The following ODF2 variants were observed in gnomAD, a reference collection of about 807,000 sequenced individuals.
The protein encoded by ODF2 is outer dense fiber protein 2.
A neutral mutation model predicts 110.2 loss-of-function variants in ODF2; 47 were observed. The observed-to-expected ratio is 0.43, with a 90% CI of 0.34 to 0.54. ODF2 has a LOEUF of 0.54. ODF2 is among the 20% of genes least tolerant of loss of function. The pLI is 0.03. For missense variants in ODF2, 812 were observed against 1,054.5 expected (o/e 0.77, Z 3.19); for synonymous variants, 352 against 397.7 (o/e 0.89, Z 1.37).
chr9:128,461,771 G>GA (rs921566618), intron 4 of ODF2, among the ~76,000 whole-genome samples: 5 of 149,992 alleles, frequency 3.3e-5, no homozygotes, highest in Admixed American at 1.3e-4. Flanking sequence ...GCAGTGAAAA[G>GA]AAAAAAAAAT....
intron 8 of ODF2, 134 bp downstream of exon 8, chr9:128,473,875 T>A: frequency 1.3e-6 from 1 of 772,778 alleles, no homozygotes; most frequent in Non-Finnish European, 2.0e-6. Flanking sequence ...ATGAAATTGT[T>A]CACATGAAGT....
Position 128,496,028 on chromosome 9 carries a change from C to T in ODF2, c.1912-13C>T. ...ATTCCTTTGTAAACCAGTCTGTGTT[C>T]CTGTCATTTTAGATCGAACACCAGG... is the stretch of plus-strand genomic sequence containing the variant. On this transcript the variant is annotated splice_polypyrimidine_tract_variant and intron_variant, in intron 17 of 20. Transcript: ENST00000604420. 1.2e-6 allele frequency: 2 copies of T among 1,613,544 alleles called. No homozygotes were observed. Among genetic ancestry groups the T allele is most frequent in the Non-Finnish European group, 1.7e-6 (2 of 1,179,854 alleles).
upstream of ODF2, chr9:128,455,982 T>C (rs1834671244): frequency 7.1e-6 from 10 of 1,410,810 alleles, no homozygotes; most frequent in South Asian, 1.4e-4. Flanking sequence ...ACGGGACGCG[T>C]GGCCCGGAAG....
At chr9:128,492,095 A>G (rs886784514) in intron 14 of ODF2, among the ~76,000 whole-genome samples, 2 of 151,972 alleles carry the variant, frequency 1.3e-5, no homozygotes, top group Non-Finnish European at 2.9e-5. Context: ...TTGATCTCCT[A>G]ACCTTGTGAT....
intron 18 of ODF2, among the ~76,000 whole-genome samples, chr9:128,497,044 T>A (rs78440166): frequency 0.05 from 7,591 of 152,050 alleles, 308 homozygotes; most frequent in East Asian, 0.16. Flanking sequence ...AATCTTTTCA[T>A]GGTGGTGGTG....
chr9:128,484,371 G>A (rs937198401), intron 11 of ODF2, among the ~76,000 whole-genome samples: 9 of 152,244 alleles, frequency 5.9e-5, no homozygotes, highest in Non-Finnish European at 1.3e-4. Context: ...TAGCCCAGGG[G>A]TCCTCTGAGG....
rs535455241 is a variant in ODF2, at chr9:128,494,466, A to ACTGTGGGTCTTTCCTTC, written c.1753-22_1753-6dup. ...TCCACTAGGAGCCAGGTCTTTCCTA[A>ACTGTGGGTCTTTCCTTC]CTGTGGGTCTTTCCTTCCTGTGGGT... On this transcript the variant is annotated intron_variant, in intron 16 of 20. Coordinates refer to ENST00000604420, the Ensembl canonical transcript of ODF2. This position sits in a 1 kb window ranked among gnomAD's most constrained non-coding sequence, Gnocchi z 4.6. The ACTGTGGGTCTTTCCTTC allele has an allele frequency of 8.8e-6, 14 of 1,592,084 alleles. No homozygotes were observed. The South Asian group carries it at 1.0e-4, about 11-fold the overall frequency.
At chr9:128,491,748 G>A (rs950091120) in intron 14 of ODF2, among the ~76,000 whole-genome samples, 2 of 151,956 alleles carry the variant, frequency 1.3e-5, no homozygotes, top group Non-Finnish European at 1.5e-5. Flanking sequence ...ATAGCAGTAA[G>A]TATAGTATAG....
exon 4 of ODF2, chr9:128,461,015 C>T: frequency 6.2e-7 from 1 of 1,614,156 alleles, no homozygotes; most frequent in Non-Finnish European, 8.5e-7. Flanking sequence ...ACCAAGGTAC[C>T]TTGGATGCCC....
intron 2 of ODF2, chr9:128,457,553 AC>A: frequency 7.5e-7 from 1 of 1,338,442 alleles, no homozygotes; most frequent in Non-Finnish European, 1.0e-6. Flanking sequence ...GAAAGTCTGG[AC>A]CAAAACGTTT....
At chr9:128,493,024 CT>C (rs781644769) in intron 16 of ODF2, among the ~76,000 whole-genome samples, 4,269 of 141,338 alleles carry the variant, frequency 0.03, 94 homozygotes, top group Non-Finnish European at 0.046. Context: ...GCTGCTTTGT[CT>C]TTTTTTTTTT....
chr9:128,496,538 C>T (rs1042316941), intron 18 of ODF2, among the ~76,000 whole-genome samples: 1 of 152,226 alleles, frequency 6.6e-6, no homozygotes, highest in African/African-American at 2.4e-5. Flanking sequence ...TCTGACCGTT[C>T]TCTGTTATTT....
At chr9:128,484,393 T>C (rs1842984626) in intron 11 of ODF2, among the ~76,000 whole-genome samples, 1 of 152,122 alleles carries the variant, frequency 6.6e-6, no homozygotes, top group Non-Finnish European at 1.5e-5. Context: ...CATACTCTGC[T>C]GAGTGACCAA....
intron 11 of ODF2, 23 bp from the exon 12 acceptor site, chr9:128,484,678 T>C (rs1455817836): frequency 1.9e-6 from 3 of 1,551,920 alleles, no homozygotes; most frequent in Non-Finnish European, 2.6e-6. Context: ...CTCCCTCTCT[T>C]TCTCACCCCT....
intron 9 of ODF2, among the ~76,000 whole-genome samples, chr9:128,482,043 G>C (rs1298269024): frequency 6.6e-6 from 1 of 152,176 alleles, no homozygotes; most frequent in Non-Finnish European, 1.5e-5. Context: ...TCCAAAGTCT[G>C]TTCATGGAAC....
chr9:128,494,913 G>GC lies in ODF2; in HGVS notation c.1911+250dup. On this transcript the variant is annotated intron_variant, in intron 17 of 20. Coordinates refer to ENST00000604420, the Ensembl canonical transcript of ODF2. This position sits in a 1 kb window ranked among gnomAD's most constrained non-coding sequence, Gnocchi z 4.6. ...GGAGTCACTGGGCCCTCCTGCTGTT[G>GC]CCCCCACCCAAGACTGCTGCCTCTG... is the stretch of plus-strand genomic sequence containing the variant. The GC allele has an allele frequency of 1.5e-6, 2 of 1,313,660 alleles. No homozygotes were observed. Among genetic ancestry groups the GC allele is most frequent in the South Asian group, 3.1e-5 (2 of 65,226 alleles). 81.4% of individuals were successfully genotyped at this position (1,313,660 alleles called of 1,614,324 possible). A position where few individuals can be genotyped will look rare whatever the true frequency, so the allele number is the denominator to read the frequency against.
At chr9:128,462,146 C>A (rs538705817) in intron 4 of ODF2, among the ~76,000 whole-genome samples, 1 of 143,996 alleles carries the variant, frequency 6.9e-6, no homozygotes, top group East Asian at 2.0e-4. Flanking sequence ...ATCAATGAAT[C>A]TTTTTTTTTT....
At chr9:128,470,577 C>A (rs898044521) in intron 5 of ODF2, among the ~76,000 whole-genome samples, 7 of 151,464 alleles carry the variant, frequency 4.6e-5, no homozygotes, top group Non-Finnish European at 1.0e-4. Flanking sequence ...GAGCTGAGAT[C>A]GTACCGCTGC....
intron 3 of ODF2, 60 bp downstream of exon 2, chr9:128,459,717 C>CCTCCTAGAAACGGTGTGCAA: frequency 7.4e-7 from 1 of 1,347,378 alleles, no homozygotes; most frequent in Non-Finnish European, 1.1e-6. Flanking sequence ...TGCTTTTGCA[C>CCTCCTAGAAACGGTGTGCAA]ACCGTTTCTA....
Sources: gnomAD v4.1 joint callset for allele counts (sites outside exome capture counted in the v4.1 genomes callset) on GRCh38, gnomAD v4.1.1 for gene constraint, Gnocchi (gnomAD v3.1) non-coding constraint, MANE v1.5 for transcripts, NCBI Gene and HGNC (gene_info 2026-07-23, HGNC 2026-07-21) for gene names.